ZNF644: variants seen among roughly 807,000 people sequenced by gnomAD.
The protein encoded by ZNF644 is zinc finger protein 644, also known as zinc finger motif enhancer binding protein 2.
Under a neutral mutation model 108.0 loss-of-function variants are expected in ZNF644, and 20 were observed. That is an observed-to-expected ratio of 0.19 (90% CI 0.13 to 0.27). The LOEUF is 0.27. ZNF644 is among the 10% of genes least tolerant of loss of function. ZNF644 has a pLI of 1.00. For missense variants in ZNF644, 1,338 were observed against 1,548.9 expected, an observed-to-expected ratio of 0.86 and a Z score of 2.29; for synonymous variants, 542 against 539.1, an observed-to-expected ratio of 1.01 and a Z score of -0.08.
chr1:91,004,415 A>G (rs1305374306), intron 1 of ZNF644, among the ~76,000 whole-genome samples: 1 of 152,220 alleles, frequency 6.6e-6, no homozygotes, highest in African/African-American at 2.4e-5. Context: ...CAAAGTACTG[A>G]AAGAAAAAGA....
rs115598974 is a variant in ZNF644 at position 90,970,743 on chromosome 1, T to C, written c.44+11567A>G. 6.9e-3 allele frequency among the ~76,000 whole-genome samples: 1,054 copies of C among 152,210 alleles called. 16 individuals carry two copies. The highest frequency in any genetic ancestry group is 0.024 in the African/African-American group (988 of 41,516). ...ACCAAATACCAGGGTATATAAGTGA[T>C]TATCTATTAAAAAAATATATGGCTG... On this transcript the variant is annotated intron_variant, in intron 2 of 5. Coordinates refer to ENST00000337393, the MANE Select transcript of ZNF644 (RefSeq NM_201269.3).
rs554051722 is a variant in ZNF644 at position 90,972,453 on chromosome 1, A to C, written c.44+9857T>G. Among the ~76,000 whole-genome samples the C allele has an allele frequency of 3.8e-4, 58 of 152,302 alleles. 2 individuals carry two copies. The South Asian group carries it at 0.012, about 31-fold the overall frequency. On this transcript the variant is annotated intron_variant, in intron 2 of 5. Transcript: ENST00000337393. ...CACATCATAGCCACTATCAAAAAAC[A>C]AAAAACAAAATGTCAAGTGTTGGCA...
At chr1:90,933,173 AT>A (rs1379036052) in intron 4 of ZNF644, among the ~76,000 whole-genome samples, 1 of 152,124 alleles carries the variant, frequency 6.6e-6, no homozygotes, top group Admixed American at 6.5e-5. Flanking sequence ...AAGTAAAAGC[AT>A]TTTTTTAATG....
At chr1:90,949,280 A>G (rs1652838860) in intron 2 of ZNF644, among the ~76,000 whole-genome samples, 1 of 152,006 alleles carries the variant, frequency 6.6e-6, no homozygotes, top group Non-Finnish European at 1.5e-5. Flanking sequence ...ACTAAAAAAA[A>G]GAACAAAACT....
intron 4 of ZNF644, among the ~76,000 whole-genome samples, chr1:90,935,112 A>G (rs922115757): frequency 6.6e-6 from 1 of 152,202 alleles, no homozygotes; most frequent in Non-Finnish European, 1.5e-5. Flanking sequence ...ATCAATTTAA[A>G]AATCAAAAAT....
At position 90,939,110 on chromosome 1, in the gene ZNF644, C is replaced by G. The variant is rs1455728694; in HGVS notation, c.2244G>C (p.Arg748Ser). Reference sequence around the variant, plus strand: ...ATGATTCACCTGATTTTTTGATCATCCTATAGTTTTCATATTTGTGTCTAT... The same window carrying G: ...ATGATTCACCTGATTTTTTGATCATGCTATAGTTTTCATATTTGTGTCTAT... ...YLYRHKYENY[R>S]MIKKSGESYP... The change falls in exon 3 of 6, where the codon AGG becomes AGC. Residue 748 changes from arginine (R) to serine (S), a missense_variant. Around this residue, in one of 6 missense-constraint regions of ZNF644, gnomAD observed 462 missense variants for 472.6 expected, o/e 0.98. Coordinates refer to ENST00000337393, the MANE Select transcript of ZNF644 (RefSeq NM_201269.3). The G allele has an allele frequency of 6.2e-7, 1 of 1,613,746 alleles. No individual in the cohort carries two copies. The highest frequency in any genetic ancestry group is 1.1e-5 in the South Asian group (1 of 91,072).
At chr1:90,953,901 A>G (rs1431606516) in intron 2 of ZNF644, among the ~76,000 whole-genome samples, 1 of 152,180 alleles carries the variant, frequency 6.6e-6, no homozygotes, top group Non-Finnish European at 1.5e-5. Context: ...TGACAGAGCG[A>G]GACTCTGTCT....
intron 2 of ZNF644, among the ~76,000 whole-genome samples, chr1:90,946,181 A>G (rs1364774894): frequency 6.6e-6 from 1 of 152,114 alleles, no homozygotes; most frequent in African/African-American, 2.4e-5. Flanking sequence ...TATATATACC[A>G]TACACAATGT....
chr1:90,927,847 T>A (rs1233620850), intron 4 of ZNF644, among the ~76,000 whole-genome samples: 1 of 151,948 alleles, frequency 6.6e-6, no homozygotes, highest in Non-Finnish European at 1.5e-5. Flanking sequence ...CTTTCCTTCC[T>A]TCCTTCCTTC....
In ZNF644 at chr1:90,938,231, C is replaced by T; in HGVS notation, c.3082+41G>A. ...AACTTTTAAATCTTCAGAATTAGAA[C>T]ACAGACCTATCAGCCCAAATCATCC... is the stretch of plus-strand genomic sequence containing the variant. On this transcript the variant is annotated intron_variant, in intron 3 of 5. Coordinates refer to ENST00000337393, the MANE Select transcript of ZNF644 (RefSeq NM_201269.3). This position sits in a 1 kb window ranked among gnomAD's most constrained non-coding sequence, Gnocchi z 4.2. 1.9e-6 allele frequency: 3 copies of T among 1,613,776 alleles called. No homozygotes were observed. The highest frequency in any genetic ancestry group is 1.1e-5 in the South Asian group (1 of 91,062).
chr1:90,956,803 A>C (rs1231109377), intron 2 of ZNF644, among the ~76,000 whole-genome samples: 1 of 152,164 alleles, frequency 6.6e-6, no homozygotes, highest in Non-Finnish European at 1.5e-5. Flanking sequence ...CCTGGACAAC[A>C]GACTCTGTCT....
chr1:90,945,114 T>C (rs1286365531), intron 2 of ZNF644, among the ~76,000 whole-genome samples: 2 of 152,088 alleles, frequency 1.3e-5, no homozygotes, highest in Admixed American at 1.3e-4. Flanking sequence ...TATAACAAAG[T>C]AGGAACGTAT....
intron 2 of ZNF644, among the ~76,000 whole-genome samples, chr1:90,942,219 GT>G (rs1557577809): frequency 6.6e-6 from 1 of 152,026 alleles, no homozygotes; most frequent in South Asian, 2.1e-4. Flanking sequence ...ATAAACATAT[GT>G]TTTAAATTTA....
At chr1:90,923,083 C>T (rs922433146) in intron 4 of ZNF644, among the ~76,000 whole-genome samples, 3 of 152,088 alleles carry the variant, frequency 2.0e-5, no homozygotes, top group African/African-American at 7.2e-5. Flanking sequence ...TTCATTTATT[C>T]AGCTTTTATC....
chr1:90,917,994 A>G (rs1648990942), intron 5 of ZNF644, 58 bp downstream of exon 5: 7 of 1,389,868 alleles, frequency 5.0e-6, no homozygotes, highest in South Asian at 1.2e-5. Flanking sequence ...GAAATAGCTA[A>G]TATGTTTCAA....
At chr1:90,960,510 T>C (rs1557601094) in intron 2 of ZNF644, among the ~76,000 whole-genome samples, 2 of 152,152 alleles carry the variant, frequency 1.3e-5, no homozygotes, top group African/African-American at 4.8e-5. Context: ...GAGGGACTAC[T>C]GTTCACTAAA....
At chr1:91,002,843 AAAC>A (rs1324572371) in intron 1 of ZNF644, among the ~76,000 whole-genome samples, 1 of 152,214 alleles carries the variant, frequency 6.6e-6, no homozygotes, top group African/African-American at 2.4e-5. Flanking sequence ...GAAAAAAAAC[AAAC>A]AACCCCATTA....
At chr1:90,948,108 C>G (rs1456069115) in intron 2 of ZNF644, among the ~76,000 whole-genome samples, 1 of 152,036 alleles carries the variant, frequency 6.6e-6, no homozygotes, top group Non-Finnish European at 1.5e-5. Flanking sequence ...ACAATTTCAC[C>G]ATTCAAAAAA....
chr1:90,940,701 A>G lies in ZNF644; in HGVS notation c.653T>C (p.Leu218Ser). 2 of 1,614,120 alleles carry G rather than the reference A, an allele frequency of 1.2e-6. No homozygotes were observed. The highest frequency in any genetic ancestry group is 1.7e-6 in the Non-Finnish European group (2 of 1,179,998). ...VGSNIKSDGT[L>S]INQVEVGEDG... The stretch of plus-strand genomic sequence containing the variant: ...CTCACCCACCTCTACTTGATTTATT[A>G]AAGTGCCATCTGACTTTATATTACT... Residue 218 changes from leucine to serine, a missense_variant, in exon 3 of 6, where the codon TTA becomes TCA. Physicochemically the swap from Leu to Ser is moderately radical, Grantham distance 145 (BLOSUM62 -2). Coordinates refer to ENST00000337393, the MANE Select transcript of ZNF644 (RefSeq NM_201269.3).
Sources: allele counts gnomAD v4.1 joint callset (sites outside exome capture counted in the v4.1 genomes callset), GRCh38; gene constraint gnomAD v4.1.1; regional missense constraint gnomAD v4.1.1; non-coding constraint Gnocchi (gnomAD v3.1); transcripts MANE v1.5; gene names NCBI Gene and HGNC (gene_info 2026-07-23, HGNC 2026-07-21).